The following MAGI2 variants were observed in gnomAD, a reference collection of about 807,000 sequenced individuals.
The protein encoded by MAGI2 is membrane-associated guanylate kinase, WW and PDZ domain-containing protein 2.
A neutral mutation model predicts 133.3 loss-of-function variants in MAGI2; 35 were observed. That is an observed-to-expected ratio of 0.26 (90% CI 0.20 to 0.35). MAGI2 has a LOEUF of 0.35. MAGI2 is among the 10% of genes least tolerant of loss of function. The pLI, the probability that MAGI2 is intolerant of heterozygous loss-of-function variation, is 1.00. For synonymous variants in MAGI2, 729 were observed against 710.6 expected, an observed-to-expected ratio of 1.03 and a Z score of -0.41; for missense variants, 1,636 against 1,863.4, an observed-to-expected ratio of 0.88 and a Z score of 2.25.
intron 10 of MAGI2, among the ~76,000 whole-genome samples, chr7:78,211,597 G>A (rs1411856597): frequency 3.3e-5 from 5 of 152,088 alleles, no homozygotes; most frequent in Non-Finnish European, 5.9e-5. Context: ...CTTTTTTCTG[G>A]AACAAAGTAA....
At chr7:78,508,773 T>C (rs868776397) in intron 4 of MAGI2, among the ~76,000 whole-genome samples, 3 of 152,204 alleles carry the variant, frequency 2.0e-5, no homozygotes, top group Non-Finnish European at 4.4e-5. Flanking sequence ...ATGTTTTACC[T>C]TTTTTATAGT....
At chr7:78,448,937 T>C (rs1326846151) in intron 6 of MAGI2, among the ~76,000 whole-genome samples, 13 of 152,036 alleles carry the variant, frequency 8.6e-5, no homozygotes, top group Middle Eastern at 3.4e-3. Flanking sequence ...AGCGAAATCT[T>C]TTACCTTGCC....
chr7:79,144,221 A>G (rs769797893), intron 1 of MAGI2, among the ~76,000 whole-genome samples: 4 of 152,216 alleles, frequency 2.6e-5, no homozygotes, highest in African/African-American at 7.2e-5. Context: ...CATAATATGT[A>G]TAACAGGGAG....
chr7:78,499,952 T>C (rs1794471583), intron 5 of MAGI2, among the ~76,000 whole-genome samples: 1 of 152,246 alleles, frequency 6.6e-6, no homozygotes, highest in Non-Finnish European at 1.5e-5. Context: ...TTTTTAAACA[T>C]TCTTTCTATT....
intron 1 of MAGI2, among the ~76,000 whole-genome samples, chr7:79,402,174 T>C (rs904354394): frequency 6.6e-6 from 1 of 152,118 alleles, no homozygotes. Flanking sequence ...AAAATAGCTA[T>C]AAAAATATAA....
intron 2 of MAGI2, among the ~76,000 whole-genome samples, chr7:78,829,603 T>G (rs1790965044): frequency 6.6e-6 from 1 of 152,094 alleles, no homozygotes; most frequent in Non-Finnish European, 1.5e-5. Flanking sequence ...TATAGATAAC[T>G]CAGTACAAAT....
intron 2 of MAGI2, among the ~76,000 whole-genome samples, chr7:78,890,561 G>A (rs1484075307): frequency 6.6e-6 from 1 of 151,570 alleles, no homozygotes; most frequent in African/African-American, 2.4e-5. Flanking sequence ...CTAGAACTCA[G>A]GATTAAGAAA....
chr7:79,362,128 C>CT (rs60939612), intron 1 of MAGI2, among the ~76,000 whole-genome samples: 21,954 of 151,530 alleles, frequency 0.14, 1,697 homozygotes, highest in South Asian at 0.25. Flanking sequence ...AAACACATAG[C>CT]TTTTTTTTAA....
chr7:78,595,761 A>C lies in MAGI2; in HGVS notation c.538+31359T>G, dbSNP rs80099442. On this transcript the variant is annotated intron_variant, in intron 3 of 21. Transcript: ENST00000354212. The stretch of plus-strand genomic sequence containing the variant: ...GAGCCTGGTGGGTTACGGGGAGTAG[A>C]ATGCTGGGAAGCACAGGAGACCTTA... Among the ~76,000 whole-genome samples the C allele has an allele frequency of 2.3e-3, 351 of 152,332 alleles. 7 individuals carry two copies. In the East Asian group the frequency reaches 0.054, roughly 23 times the overall value.
chr7:79,226,773 T>C (rs964379857), intron 1 of MAGI2, among the ~76,000 whole-genome samples: 1 of 152,170 alleles, frequency 6.6e-6, no homozygotes, highest in Non-Finnish European at 1.5e-5. Context: ...TCCATTTTAG[T>C]TTTAAAATAG....
At chr7:79,127,298 C>G (rs990656177) in intron 1 of MAGI2, among the ~76,000 whole-genome samples, 1 of 152,066 alleles carries the variant, frequency 6.6e-6, no homozygotes, top group Non-Finnish European at 1.5e-5. Flanking sequence ...GATTTATAAT[C>G]TTTTGGATAT....
intron 2 of MAGI2, among the ~76,000 whole-genome samples, chr7:78,748,572 G>T (rs1445881722): frequency 6.6e-6 from 1 of 152,094 alleles, no homozygotes; most frequent in Non-Finnish European, 1.5e-5. Flanking sequence ...TGTTATTTGT[G>T]TCTTTAATTA....
At chr7:78,429,207 T>C (rs574168748) in intron 6 of MAGI2, among the ~76,000 whole-genome samples, 64 of 152,238 alleles carry the variant, frequency 4.2e-4, no homozygotes, top group African/African-American at 1.3e-3. Flanking sequence ...TATTAATAAA[T>C]CGCCACATTG....
rs1829221201 is a variant in MAGI2, at chr7:78,201,213, A to G, written c.2048-20T>C. 2 of 1,388,520 alleles carry G rather than the reference A, an allele frequency of 1.4e-6. No individual in the cohort carries two copies. Among genetic ancestry groups the G allele is most frequent in the East Asian group, 5.4e-5 (2 of 36,730 alleles). 86.0% of individuals were successfully genotyped at this position (1,388,520 alleles called of 1,614,324 possible). ...AGAAACCTGTAATAAAGAAAACAAT[A>G]TTTGAACTTTGAAAATATTACCGAC... On this transcript the variant is annotated intron_variant, in intron 10 of 21. Transcript: ENST00000354212.
chr7:78,977,899 CA>C (rs1229845155), intron 2 of MAGI2, among the ~76,000 whole-genome samples: 1 of 151,582 alleles, frequency 6.6e-6, no homozygotes, highest in Non-Finnish European at 1.5e-5. Context: ...GATACATCAC[CA>C]AAAAACTTAC....
chr7:79,099,458 C>A (rs552870843), intron 1 of MAGI2, among the ~76,000 whole-genome samples: 32 of 152,064 alleles, frequency 2.1e-4, no homozygotes, highest in Admixed American at 4.6e-4. Context: ...ATTGTTATTA[C>A]ATTATTTTAA....
intron 1 of MAGI2, chr7:79,012,122 T>C (rs1202442251): frequency 6.6e-6 from 1 of 152,092 alleles, no homozygotes; most frequent in African/African-American, 2.4e-5. Flanking sequence ...AGAATGCGAA[T>C]GCAACTGGCT....
chr7:79,443,280 G>GTGCA (rs1028975265), intron 1 of MAGI2, among the ~76,000 whole-genome samples: 1 of 54,542 alleles, frequency 1.8e-5, no homozygotes, highest in African/African-American at 4.4e-5. Context: ...GTGTGTGTGT[G>GTGCA]TGTGCGTGTG....
At chr7:78,207,961 C>T (rs1279782275) in intron 10 of MAGI2, among the ~76,000 whole-genome samples, 2 of 152,082 alleles carry the variant, frequency 1.3e-5, no homozygotes, top group Non-Finnish European at 2.9e-5. Flanking sequence ...ACCTCCGCCT[C>T]CCAGGTTCAA....
Sources: allele counts gnomAD v4.1 joint callset (sites outside exome capture counted in the v4.1 genomes callset), GRCh38; gene constraint gnomAD v4.1.1; transcripts MANE v1.5; gene names NCBI Gene and HGNC (gene_info 2026-07-23, HGNC 2026-07-21).